Variants in SHOC1 observed in about 807,000 individuals in gnomAD.
The protein encoded by SHOC1 is protein shortage in chiasmata 1 ortholog.
SHOC1 carries 136 observed loss-of-function variants against 179.2 expected under a neutral mutation model. That is an observed-to-expected ratio of 0.76 (90% CI 0.66 to 0.87). The LOEUF is 0.87. Among genes scored for constraint, SHOC1 ranks in the 40% least tolerant of loss-of-function variants. The pLI is 0.00. For missense variants in SHOC1, 1,538 were observed against 1,700.8 expected (o/e 0.90, Z 1.68); for synonymous variants, 489 against 586.6 (o/e 0.83, Z 2.41).
rs750723942 is a variant in SHOC1 at position 111,714,394 on chromosome 9, C to G, written c.2415+51G>C. 12 of 1,580,336 alleles carry G rather than the reference C, an allele frequency of 7.6e-6. No individual in the cohort carries two copies. The South Asian group carries it at 1.4e-4, about 18-fold the overall frequency. ...TTAAATGCAAAAATGTATCTTACAT[C>G]CAATTCTTACTTAAACTGATTATTT... On this transcript the variant is annotated intron_variant, in intron 17 of 27. Transcript: ENST00000682961.
chr9:111,794,852 C>G (rs1017264227), intron 1 of SHOC1, 48 bp downstream of exon 1: 1 of 152,468 alleles, frequency 6.6e-6, no homozygotes, highest in African/African-American at 2.4e-5. Context: ...CTCCCCTCAG[C>G]CCTCAAAATC....
intron 8 of SHOC1, among the ~76,000 whole-genome samples, chr9:111,749,257 T>A (rs1834450830): frequency 1.3e-5 from 2 of 152,168 alleles, no homozygotes; most frequent in East Asian, 3.9e-4. Flanking sequence ...TGATAATACA[T>A]CTTGCAGTTG....
At chr9:111,710,639 G>C (rs947640877) in intron 18 of SHOC1, among the ~76,000 whole-genome samples, 1 of 152,082 alleles carries the variant, frequency 6.6e-6, no homozygotes, top group Non-Finnish European at 1.5e-5. Context: ...TCATTTCTAA[G>C]GGTGATAACA....
chr9:111,706,876 G>T, intron 19 of SHOC1, 130 bp from the exon 20 acceptor site: 1 of 523,982 alleles, frequency 1.9e-6, no homozygotes, highest in Non-Finnish European at 3.2e-6. Flanking sequence ...AAAGGCACTG[G>T]TGCGTTTTCT....
At chr9:111,741,644 A>AT in intron 10 of SHOC1, 74 bp from the exon 11 acceptor site, 3 of 818,650 alleles carry the variant, frequency 3.7e-6, no homozygotes, top group Non-Finnish European at 5.4e-6. Context: ...ATTTTATTTT[A>AT]TTTTTTTGAG....
At chr9:111,730,821 C>T (rs1230998982) in intron 12 of SHOC1, among the ~76,000 whole-genome samples, 2 of 152,184 alleles carry the variant, frequency 1.3e-5, no homozygotes, top group East Asian at 1.9e-4. Context: ...TTGACTGCTT[C>T]CTACTGGCTA....
At chr9:111,743,168 C>T (rs1834119960) in intron 10 of SHOC1, among the ~76,000 whole-genome samples, 1 of 151,994 alleles carries the variant, frequency 6.6e-6, no homozygotes, top group Admixed American at 6.6e-5. Flanking sequence ...TAATTGGGAC[C>T]ATAAAAATAA....
intron 5 of SHOC1, among the ~76,000 whole-genome samples, chr9:111,772,731 G>A (rs1335529240): frequency 1.3e-5 from 2 of 152,302 alleles, no homozygotes; most frequent in Non-Finnish European, 2.9e-5. Flanking sequence ...CTAGAGGTTC[G>A]TGCCCAAGGG....
chr9:111,738,343 TATC>T lies in SHOC1; in HGVS notation c.1351_1353del (p.Asp451del). 3 of 1,611,798 alleles carry T rather than the reference TATC, an allele frequency of 1.9e-6. No homozygotes were observed. Among genetic ancestry groups the T allele is most frequent in the Non-Finnish European group, 2.5e-6 (3 of 1,179,312 alleles). On this transcript the variant is annotated inframe_deletion, in exon 12 of 28. Transcript: ENST00000682961. ...ATTTTAGTGTCATTAGAAGACAAAT[TATC>T]ATGACATAAATATGTATTCAGATGT...
intron 4 of SHOC1, among the ~76,000 whole-genome samples, chr9:111,778,650 A>T (rs1835918702): frequency 6.6e-6 from 1 of 151,264 alleles, no homozygotes; most frequent in Admixed American, 6.6e-5. Context: ...GGATGCCTGT[A>T]ATATCAGCTA....
chr9:111,714,628 T>TA lies in SHOC1; in HGVS notation c.2237-6_2237-5insT. ...CTTTTGCCTTCGACAAATATCCTAT[T>TA]GAAGCAAAATTAGAAAAAAATTGTC... is the stretch of plus-strand genomic sequence containing the variant. On this transcript the variant is annotated splice_polypyrimidine_tract_variant and splice_region_variant and intron_variant, in intron 16 of 27. Coordinates refer to ENST00000682961, the MANE Select transcript of SHOC1 (RefSeq NM_001378211.1). The TA allele has an allele frequency of 6.3e-7, 1 of 1,597,186 alleles. No individual in the cohort carries two copies. The highest frequency in any genetic ancestry group is 8.5e-7 in the Non-Finnish European group (1 of 1,175,766).
At chr9:111,787,051 C>A (rs1337178831) in intron 2 of SHOC1, among the ~76,000 whole-genome samples, 1 of 152,126 alleles carries the variant, frequency 6.6e-6, no homozygotes, top group Admixed American at 6.5e-5. Context: ...CATGGTTTAC[C>A]GAATATTTTA....
chr9:111,738,550 T>G (rs1564137973), intron 11 of SHOC1, 28 bp from the exon 12 acceptor site: 2 of 1,504,750 alleles, frequency 1.3e-6, no homozygotes, highest in Non-Finnish European at 1.8e-6. Flanking sequence ...AACAAATAGT[T>G]AGAAACAGTC....
At chr9:111,764,700 A>T (rs1201575305) in intron 5 of SHOC1, among the ~76,000 whole-genome samples, 1 of 152,220 alleles carries the variant, frequency 6.6e-6, no homozygotes, top group African/African-American at 2.4e-5. Flanking sequence ...AACATCAGGA[A>T]ATAGCAGTAT....
At chr9:111,701,050 T>C (rs1275627265) in intron 23 of SHOC1, among the ~76,000 whole-genome samples, 1 of 152,210 alleles carries the variant, frequency 6.6e-6, no homozygotes, top group African/African-American at 2.4e-5. Flanking sequence ...TGACTTTGCA[T>C]TATAGGCTTT....
At chr9:111,787,207 A>T (rs1040308920) in intron 2 of SHOC1, among the ~76,000 whole-genome samples, 1 of 152,246 alleles carries the variant, frequency 6.6e-6, no homozygotes, top group African/African-American at 2.4e-5. Context: ...TCTGCAGCCT[A>T]TGGATCAAGG....
At chr9:111,750,693 T>C (rs1834536426) in intron 8 of SHOC1, among the ~76,000 whole-genome samples, 1 of 152,168 alleles carries the variant, frequency 6.6e-6, no homozygotes. Flanking sequence ...GGGGGTTGTT[T>C]GCTTTTTTCT....
At chr9:111,714,646 A>G in intron 16 of SHOC1, 23 bp from the exon 17 acceptor site, 1 of 1,586,236 alleles carries the variant, frequency 6.3e-7, no homozygotes, top group Admixed American at 1.9e-5. Context: ...AATTAGAAAA[A>G]AATTGTCTAA....
chr9:111,720,654 A>T (rs1004662625), intron 15 of SHOC1, among the ~76,000 whole-genome samples: 1 of 151,820 alleles, frequency 6.6e-6, no homozygotes, highest in Admixed American at 6.6e-5. Flanking sequence ...TCATTCTTTC[A>T]TGCTTTACAG....
Sources: allele counts gnomAD v4.1 joint callset (sites outside exome capture counted in the v4.1 genomes callset), GRCh38; gene constraint gnomAD v4.1.1; transcripts MANE v1.5; gene names NCBI Gene and HGNC (gene_info 2026-07-23, HGNC 2026-07-21).